CRPPA: variants seen among roughly 807,000 people sequenced by gnomAD.
The protein encoded by CRPPA is CDP-L-ribitol pyrophosphorylase A, also known as D-ribitol-5-phosphate cytidylyltransferase.
Under a neutral mutation model 52.0 loss-of-function variants are expected in CRPPA, and 43 were observed. That is an observed-to-expected ratio of 0.83 (90% CI 0.65 to 1.07). The LOEUF (loss-of-function observed/expected upper bound fraction) is 1.07, where lower values mean the gene tolerates loss of function less well. CRPPA is among the 50% of genes least tolerant of loss of function. The probability of loss-of-function intolerance (pLI) is 0.00; values close to 1 mark genes in which losing one functional copy is unlikely to be tolerated. For synonymous variants in CRPPA, 250 were observed against 203.5 expected (o/e 1.23, Z -1.94); for missense variants, 629 against 551.7 (o/e 1.14, Z -1.40).
intron 8 of CRPPA, among the ~76,000 whole-genome samples, chr7:16,256,863 T>A (rs973534340): frequency 1.3e-5 from 2 of 152,126 alleles, no homozygotes; most frequent in East Asian, 1.9e-4. Context: ...TATACCTATG[T>A]AATAAACCTG....
chr7:16,360,025 G>A (rs746937723), intron 3 of CRPPA, among the ~76,000 whole-genome samples: 2 of 152,100 alleles, frequency 1.3e-5, no homozygotes, highest in African/African-American at 2.4e-5. Flanking sequence ...GTCTCCTGTT[G>A]TTTTGTAGAC....
chr7:16,298,094 A>G (rs1784711662), intron 5 of CRPPA, among the ~76,000 whole-genome samples: 1 of 152,148 alleles, frequency 6.6e-6, no homozygotes, highest in Non-Finnish European at 1.5e-5. Context: ...CCAGAGAGGC[A>G]TTTCTACTAT....
intron 6 of CRPPA, among the ~76,000 whole-genome samples, 161 bp from the exon 7 acceptor site, chr7:16,259,173 T>C (rs1021551358): frequency 6.6e-6 from 1 of 151,872 alleles, no homozygotes; most frequent in African/African-American, 2.4e-5. Context: ...TATCAAGAAA[T>C]AGTCATTTGA....
intron 8 of CRPPA, among the ~76,000 whole-genome samples, chr7:16,256,587 A>G (rs988134312): frequency 1.3e-5 from 2 of 152,238 alleles, no homozygotes; most frequent in Non-Finnish European, 2.9e-5. Context: ...GCAGCCATAA[A>G]AAAGGATGCA....
At chr7:16,254,121 C>G (rs1783542815) in intron 8 of CRPPA, among the ~76,000 whole-genome samples, 1 of 152,122 alleles carries the variant, frequency 6.6e-6, no homozygotes, top group Non-Finnish European at 1.5e-5. Flanking sequence ...GAAATAGGAA[C>G]ACTTTTACAC....
chr7:16,114,606 T>A (rs1034400955), intron 9 of CRPPA, among the ~76,000 whole-genome samples: 1 of 151,770 alleles, frequency 6.6e-6, no homozygotes, highest in Non-Finnish European at 1.5e-5. Flanking sequence ...GGAAGGGACT[T>A]AAAATTATGC....
intron 9 of CRPPA, among the ~76,000 whole-genome samples, chr7:16,099,913 A>G (rs1224958822): frequency 6.6e-6 from 1 of 152,166 alleles, no homozygotes; most frequent in African/African-American, 2.4e-5. Context: ...TTCTATTGTC[A>G]TGCTCCAACC....
At chr7:16,287,923 AAGGGAGGGAGGG>A (rs373766084) in intron 5 of CRPPA, among the ~76,000 whole-genome samples, 3 of 123,544 alleles carry the variant, frequency 2.4e-5, no homozygotes, top group South Asian at 3.0e-4. Context: ...GGAAGGAAGG[AAGGGAGGGAGGG>A]AGGGAGGGAG....
At chr7:16,396,746 G>A (rs774704814) in intron 2 of CRPPA, among the ~76,000 whole-genome samples, 6 of 152,212 alleles carry the variant, frequency 3.9e-5, no homozygotes, top group Admixed American at 6.5e-5. Flanking sequence ...CGTATGACAT[G>A]ACTGATAGAA....
chr7:16,389,926 AAAAT>A (rs1348793338), intron 2 of CRPPA, among the ~76,000 whole-genome samples: 1 of 55,032 alleles, frequency 1.8e-5, no homozygotes, highest in African/African-American at 8.1e-5. Flanking sequence ...AAAAAAAAAA[AAAAT>A]ATATATATAT....
intron 3 of CRPPA, among the ~76,000 whole-genome samples, chr7:16,350,135 A>T (rs114064890): frequency 0.013 from 1,915 of 152,232 alleles, 47 homozygotes; most frequent in African/African-American, 0.044. Flanking sequence ...GTCAACCAAG[A>T]ATAGAATACC....
At chr7:16,385,717 A>C (rs1787246161) in intron 2 of CRPPA, among the ~76,000 whole-genome samples, 1 of 152,172 alleles carries the variant, frequency 6.6e-6, no homozygotes, top group Non-Finnish European at 1.5e-5. Context: ...AGACAATATA[A>C]ATGTATGTTT....
chr7:16,409,246 A>C (rs553891528), intron 1 of CRPPA, among the ~76,000 whole-genome samples: 1 of 152,222 alleles, frequency 6.6e-6, no homozygotes, highest in African/African-American at 2.4e-5. Context: ...TACTCCCCCA[A>C]ATCTTCCAGA....
intron 9 of CRPPA, among the ~76,000 whole-genome samples, chr7:16,139,583 G>A (rs2128375311): frequency 6.6e-6 from 1 of 152,228 alleles, no homozygotes; most frequent in African/African-American, 2.4e-5. Context: ...GTTAAAAACT[G>A]TGATTACTTT....
At chr7:16,367,651 A>T (rs1786638962) in intron 3 of CRPPA, among the ~76,000 whole-genome samples, 1 of 152,202 alleles carries the variant, frequency 6.6e-6, no homozygotes, top group Non-Finnish European at 1.5e-5. Context: ...ACAGTACGAG[A>T]TACAAGTCTT....
chr7:16,215,125 T>A (rs1159822442), intron 9 of CRPPA, among the ~76,000 whole-genome samples: 1 of 152,144 alleles, frequency 6.6e-6, no homozygotes, highest in Non-Finnish European at 1.5e-5. Flanking sequence ...TACCCACAGG[T>A]TAAAAATGCA....
chr7:16,398,001 G>C (rs1354645403), intron 2 of CRPPA, among the ~76,000 whole-genome samples: 1 of 152,218 alleles, frequency 6.6e-6, no homozygotes, highest in Non-Finnish European at 1.5e-5. Flanking sequence ...ACCAACATGT[G>C]ACTGATGTGA....
At chr7:16,143,382 C>T (rs1782910900) in intron 9 of CRPPA, among the ~76,000 whole-genome samples, 1 of 152,040 alleles carries the variant, frequency 6.6e-6, no homozygotes, top group Non-Finnish European at 1.5e-5. Flanking sequence ...AGTGGAAATA[C>T]AGGGCAAAGA....
intron 9 of CRPPA, among the ~76,000 whole-genome samples, chr7:16,164,120 T>C (rs1280309188): frequency 6.6e-6 from 1 of 152,214 alleles, no homozygotes; most frequent in Non-Finnish European, 1.5e-5. Context: ...CTTGGTTCCA[T>C]TCTCCCCATC....
Sources: allele counts gnomAD v4.1 joint callset (sites outside exome capture counted in the v4.1 genomes callset), GRCh38; gene constraint gnomAD v4.1.1; transcripts MANE v1.5; gene names NCBI Gene and HGNC (gene_info 2026-07-23, HGNC 2026-07-21).